EIF2AK1: variants seen among roughly 807,000 people sequenced by gnomAD.
EIF2AK1 encodes the protein eukaryotic translation initiation factor 2 alpha kinase 1, also known as eukaryotic translation initiation factor 2-alpha kinase 1.
Under a neutral mutation model 77.9 loss-of-function variants are expected in EIF2AK1, and 54 were observed. The ratio of observed to expected loss-of-function variants is 0.69; its 90% confidence interval spans 0.56 to 0.87. The LOEUF (loss-of-function observed/expected upper bound fraction) is 0.87. EIF2AK1 is among the 40% of genes least tolerant of loss of function. The pLI is 0.00. For missense variants in EIF2AK1, 810 were observed against 768.6 expected (o/e 1.05, Z -0.64); for synonymous variants, 314 against 290.5 (o/e 1.08, Z -0.82).
intron 10 of EIF2AK1, 83 bp downstream of exon 10, chr7:6,038,477 G>T: frequency 1.1e-6 from 1 of 889,534 alleles, no homozygotes; most frequent in Non-Finnish European, 1.7e-6. Context: ...ATGAAAAAAA[G>T]CACCTGGAGG....
chr7:6,038,425 C>A, intron 10 of EIF2AK1, 135 bp downstream of exon 10: 1 of 595,320 alleles, frequency 1.7e-6, no homozygotes, highest in South Asian at 2.6e-5. Context: ...ACAAACAGAG[C>A]AAAGCTCTGT....
rs56210503 is a variant in EIF2AK1, at chr7:6,031,226, T to C, written c.1333-2194A>G. On this transcript the variant is annotated intron_variant, in intron 11 of 14. Transcript: ENST00000199389. ...TGATCAAGGAACAAAGTCTGGACGC[T>C]TGGTTCCAAACTGATGGATTGCCTT... The C allele has an allele frequency of 9.3e-3, 6,912 of 746,286 alleles. 317 individuals are homozygous for C. In the African/African-American group the frequency reaches 0.11, roughly 11 times the overall value. The allele number at this position is 746,286 out of a possible 1,614,324, so 46.2% of individuals were successfully genotyped here.
At position 6,054,621 on chromosome 7, in the gene EIF2AK1, A is replaced by G. The variant is rs1411207419; in HGVS notation, c.202T>C (p.Leu68=). 1 of 1,614,190 alleles carries G rather than the reference A, an allele frequency of 6.2e-7. No individual in the cohort carries two copies. The highest frequency in any genetic ancestry group is 2.2e-5 in the East Asian group (1 of 44,884). Residue 68 remains leucine (L), a synonymous_variant, in exon 2 of 15, where the codon TTG becomes CTG. Coordinates refer to ENST00000199389, the MANE Select transcript of EIF2AK1 (RefSeq NM_014413.4). ...TFPFAVANQL[L]LVSLLEHLSH... ...AAGTGCTCCAGCAAAGAAACCAGCA[A>G]GAGTTGGTTTGCAACTGCAAAAGGG...
intron 11 of EIF2AK1, chr7:6,031,332 C>G (rs1787904278): frequency 1.3e-6 from 2 of 1,513,996 alleles, no homozygotes; most frequent in Non-Finnish European, 1.8e-6. Flanking sequence ...TGAAACTGAC[C>G]AATTCCATAA....
intron 2 of EIF2AK1, among the ~76,000 whole-genome samples, chr7:6,050,974 T>TA (rs1002553063): frequency 6.6e-6 from 1 of 151,958 alleles, no homozygotes; most frequent in South Asian, 2.1e-4. Flanking sequence ...AAGCCATTTC[T>TA]AAAAAAAGGG....
At chr7:6,037,307 A>C in intron 11 of EIF2AK1, 117 bp downstream of exon 11, 4 of 677,872 alleles carry the variant, frequency 5.9e-6, no homozygotes, top group South Asian at 5.9e-5. Context: ...CAGTAATTAT[A>C]ACCTCCTAAG....
In EIF2AK1 at chr7:6,036,801, CAAT is replaced by C. The variant is rs1158715527; in HGVS notation, c.1332+620_1332+622del. 6.6e-6 allele frequency among the ~76,000 whole-genome samples: 1 copy of C among 152,020 alleles called. No individual in the cohort carries two copies. The highest frequency in any genetic ancestry group is 1.5e-5 in the Non-Finnish European group (1 of 68,000). On this transcript the variant is annotated intron_variant, in intron 11 of 14. Coordinates refer to ENST00000199389, the MANE Select transcript of EIF2AK1 (RefSeq NM_014413.4). This position sits in a 1 kb window ranked among gnomAD's most constrained non-coding sequence, Gnocchi z 4.6. ...GAAATAGAGTTTACCTCTAAGTCTG[CAAT>C]AATAAATGAGCATTTCTGTCAGCAC... is the stretch of plus-strand genomic sequence containing the variant.
In EIF2AK1 at chr7:6,038,613, T is replaced by G. The variant is rs753712902; in HGVS notation, c.1178A>C (p.Asp393Ala). ...QMQLCELSLW[D>A]WIVERNKRGR... ...CCGCTTGTTTCTCTCGACTATCCAA[T>G]CCCACAGCGAGAGCTCACACAGCTG... The change falls in exon 10 of 15, where the codon GAT becomes GCT. Residue 393 changes from aspartate to alanine, a missense_variant. Around this residue, in one of 3 missense-constraint regions of EIF2AK1, gnomAD observed 549 missense variants for 533.7 expected, o/e 1.03. Coordinates refer to ENST00000199389, the MANE Select transcript of EIF2AK1 (RefSeq NM_014413.4). 2 of 1,613,306 alleles carry G rather than the reference T, an allele frequency of 1.2e-6. No individual in the cohort carries two copies. Among genetic ancestry groups the G allele is most frequent in the Non-Finnish European group, 1.7e-6 (2 of 1,179,674 alleles).
rs747079321 is a variant in EIF2AK1, at chr7:6,028,702, C to A, written c.1448-5G>T. On this transcript the variant is annotated splice_polypyrimidine_tract_variant and splice_region_variant and intron_variant, in intron 12 of 14. Coordinates refer to ENST00000199389, the MANE Select transcript of EIF2AK1 (RefSeq NM_014413.4). The stretch of plus-strand genomic sequence containing the variant: ...TGGACGTATGTGTTGGTGTTCCTAT[C>A]ATTTCAAAAGCCACATATTAAACAT... The A allele has an allele frequency of 9.3e-6, 15 of 1,613,874 alleles. No homozygotes were observed. The East Asian group carries it at 2.9e-4, about 31-fold the overall frequency.
At position 6,032,079 on chromosome 7, in the gene EIF2AK1, C is replaced by G. The variant is rs929181292; in HGVS notation, c.1333-3047G>C. Among the ~76,000 whole-genome samples, 5 of 152,138 alleles carry G rather than the reference C, an allele frequency of 3.3e-5. No homozygotes were observed. Among genetic ancestry groups the G allele is most frequent in the Admixed American group, 6.6e-5 (1 of 15,258 alleles). ...ATCTCAGCTACTCGGACGGCTGAGG[C>G]AGGAGAATTGCTTGAACCCAGGAGG... On this transcript the variant is annotated intron_variant, in intron 11 of 14. Transcript: ENST00000199389. This position sits in a 1 kb window ranked among gnomAD's most constrained non-coding sequence, Gnocchi z 4.3.
intron 2 of EIF2AK1, among the ~76,000 whole-genome samples, chr7:6,053,435 C>A (rs1246125359): frequency 6.6e-6 from 1 of 152,166 alleles, no homozygotes; most frequent in African/African-American, 2.4e-5. Context: ...GATCTCAGCT[C>A]ACTGCAACCT....
rs376322399 is a variant in EIF2AK1, at chr7:6,050,802, A to G, written c.278-757T>C. On this transcript the variant is annotated intron_variant, in intron 2 of 14. Transcript: ENST00000199389. ...GTATATTTAGTAGAGAAGGGGTTTC[A>G]CTGTGTTAGCCAGGATGGTCTCGAT... Among the ~76,000 whole-genome samples, 65 of 151,496 alleles carry G rather than the reference A, an allele frequency of 4.3e-4. 1 individual carries two copies. In the East Asian group the frequency reaches 9.8e-3, roughly 23 times the overall value.
intron 10 of EIF2AK1, among the ~76,000 whole-genome samples, chr7:6,037,906 G>T (rs890184753): frequency 6.6e-6 from 1 of 151,182 alleles, no homozygotes; most frequent in South Asian, 2.1e-4. Flanking sequence ...TAATAAATCT[G>T]GTATCCTAGC....
chr7:6,057,218 T>C (rs1452006541), intron 1 of EIF2AK1, among the ~76,000 whole-genome samples: 2 of 147,374 alleles, frequency 1.4e-5, no homozygotes, highest in Admixed American at 1.4e-4. Flanking sequence ...CTGCAACCTC[T>C]GCCTCCCGGA....
Position 6,024,448 on chromosome 7 carries a change from GT to G in EIF2AK1, c.*224del, listed in dbSNP as rs1787679914. ...GAAAATAATTGAGGATGAGGTCCAA[GT>G]TTTTAGTTTCAGAGACTAGGCATAT... On this transcript the variant is annotated 3_prime_UTR_variant, in exon 15 of 15. Transcript: ENST00000199389. 2.2e-6 allele frequency: 3 copies of G among 1,392,566 alleles called. No individual in the cohort carries two copies. The highest frequency in any genetic ancestry group is 1.9e-6 in the Non-Finnish European group (2 of 1,077,398). 86.3% of individuals were successfully genotyped at this position (1,392,566 alleles called of 1,614,324 possible). A position where few individuals can be genotyped will look rare whatever the true frequency, so the allele number is the denominator to read the frequency against.
At chr7:6,049,645 C>T (rs552773) in intron 3 of EIF2AK1, 24,239 of 104,692 alleles carry the variant, frequency 0.23, 2,170 homozygotes, top group East Asian at 0.34. Context: ...TTTTTTTTTT[C>T]AGGCAGGTTC....
At chr7:6,041,669 A>G (rs1441178198) in intron 8 of EIF2AK1, among the ~76,000 whole-genome samples, 1 of 151,882 alleles carries the variant, frequency 6.6e-6, no homozygotes, top group Non-Finnish European at 1.5e-5. Context: ...GTGAAACGCC[A>G]TCTCTACTAA....
Position 6,024,665 on chromosome 7 carries a change from G to T in EIF2AK1, c.*8C>A. ...TCCAGTTAACTACCTTAAAAGTTAA[G>T]TCCACTTTCATCCCACGCCCCCATC... is the stretch of plus-strand genomic sequence containing the variant. On this transcript the variant is annotated 3_prime_UTR_variant, in exon 15 of 15. Coordinates refer to ENST00000199389, the MANE Select transcript of EIF2AK1 (RefSeq NM_014413.4). The T allele has an allele frequency of 1.2e-6, 2 of 1,613,744 alleles. No homozygotes were observed. The highest frequency in any genetic ancestry group is 1.7e-6 in the Non-Finnish European group (2 of 1,179,902).
chr7:6,050,066 A>G (rs1184855508), intron 2 of EIF2AK1, 21 bp from the exon 3 acceptor site: 4 of 1,582,190 alleles, frequency 2.5e-6, no homozygotes, highest in Non-Finnish European at 3.4e-6. Flanking sequence ...AATATGAAAA[A>G]CTATTATTAG....
Sources: gnomAD v4.1 joint callset for allele counts (sites outside exome capture counted in the v4.1 genomes callset) on GRCh38, gnomAD v4.1.1 for gene constraint, gnomAD v4.1.1 regional missense constraint, Gnocchi (gnomAD v3.1) non-coding constraint, MANE v1.5 for transcripts, NCBI Gene and HGNC (gene_info 2026-07-23, HGNC 2026-07-21) for gene names.